Variants in RIPOR2 observed in about 807,000 individuals in gnomAD.
RIPOR2 encodes the protein rho family-interacting cell polarization regulator 2.
A neutral mutation model predicts 114.5 loss-of-function variants in RIPOR2; 39 were observed. The observed-to-expected ratio is 0.34, with a 90% CI of 0.26 to 0.44. RIPOR2 has a LOEUF of 0.44. RIPOR2 is among the 20% of genes least tolerant of loss of function. The pLI, the probability that RIPOR2 is intolerant of heterozygous loss-of-function variation, is 1.00. For synonymous variants in RIPOR2, 445 were observed against 484.4 expected (o/e 0.92, Z 1.07); for missense variants, 1,007 against 1,255.1 (o/e 0.80, Z 2.99).
At chr6:24,963,191 C>G (rs1428614171) in intron 1 of RIPOR2, among the ~76,000 whole-genome samples, 2 of 152,122 alleles carry the variant, frequency 1.3e-5, no homozygotes, top group African/African-American at 4.8e-5. Context: ...ACCACCACAC[C>G]CAGCTAATTT....
intron 1 of RIPOR2, among the ~76,000 whole-genome samples, chr6:25,020,875 TA>T (rs1446863626): frequency 6.6e-6 from 1 of 152,166 alleles, no homozygotes; most frequent in Non-Finnish European, 1.5e-5. Context: ...TTTCTTTTTT[TA>T]GACGGAGTCT....
intron 1 of RIPOR2, among the ~76,000 whole-genome samples, chr6:24,948,529 CTTTCTTTTT>C (rs1193452048): frequency 5.9e-5 from 6 of 102,162 alleles, no homozygotes; most frequent in Non-Finnish European, 9.4e-5. Flanking sequence ...TTCTTTCTTT[CTTTCTTTTT>C]TTTTTTTTTT....
At chr6:25,024,537 G>C in intron 1 of RIPOR2, 1 of 629,212 alleles carries the variant, frequency 1.6e-6, no homozygotes. Flanking sequence ...TGTCTTCAGG[G>C]TGCAGTGAAC....
intron 13 of RIPOR2, chr6:24,840,455 A>G (rs1761590719): frequency 2.3e-6 from 3 of 1,318,510 alleles, no homozygotes; most frequent in Non-Finnish European, 2.9e-6. Flanking sequence ...AAGCAAAACA[A>G]TGCCAGTTGC....
chr6:24,972,453 G>T (rs1031623740), intron 1 of RIPOR2, among the ~76,000 whole-genome samples: 2 of 152,196 alleles, frequency 1.3e-5, no homozygotes, highest in Non-Finnish European at 2.9e-5. Flanking sequence ...GGCTGGTGAA[G>T]GCCCGGACAG....
intron 1 of RIPOR2, among the ~76,000 whole-genome samples, chr6:24,927,130 C>CACCACCA (rs1561782361): frequency 0.034 from 163 of 4,864 alleles, 70 homozygotes; most frequent in African/African-American, 0.085. Context: ...TAATCATCAT[C>CACCACCA]TCACTACCAC....
At chr6:24,976,525 A>C in intron 1 of RIPOR2, 2 of 1,588,288 alleles carry the variant, frequency 1.3e-6, no homozygotes, top group South Asian at 1.1e-5. Context: ...CTGCTCATCT[A>C]ATCCATAAAG....
intron 1 of RIPOR2, among the ~76,000 whole-genome samples, chr6:24,983,193 T>TACACACACACACAC (rs5875016): frequency 1.4e-5 from 2 of 147,242 alleles, no homozygotes; most frequent in African/African-American, 5.1e-5. Flanking sequence ...GTTGAACACG[T>TACACACACACACAC]ACACACACAC....
chr6:24,849,080 T>C (rs1474063057), intron 11 of RIPOR2, among the ~76,000 whole-genome samples: 1 of 152,120 alleles, frequency 6.6e-6, no homozygotes, highest in Admixed American at 6.6e-5. Context: ...AATTTTTGTA[T>C]TTTTAGTAAA....
intron 1 of RIPOR2, among the ~76,000 whole-genome samples, chr6:24,876,296 A>G (rs1765751427): frequency 6.6e-6 from 1 of 152,196 alleles, no homozygotes; most frequent in Non-Finnish European, 1.5e-5. Flanking sequence ...GTCTAAAAAA[A>G]AAGAAAAGAA....
chr6:24,901,741 G>A (rs1022978409), intron 1 of RIPOR2, among the ~76,000 whole-genome samples: 4 of 152,194 alleles, frequency 2.6e-5, no homozygotes, highest in African/African-American at 9.7e-5. Flanking sequence ...CCTCCCTCCA[G>A]AGAAACACAG....
intron 7 of RIPOR2, 81 bp downstream of exon 7, chr6:24,865,211 GGTTGCTGTT>G (rs1764467182): frequency 9.2e-7 from 1 of 1,087,938 alleles, no homozygotes; most frequent in Admixed American, 2.3e-5. Flanking sequence ...TGAGGTTGTG[GGTTGCTGTT>G]TGCCTTGTTC....
intron 1 of RIPOR2, among the ~76,000 whole-genome samples, chr6:25,021,871 T>C (rs559669261): frequency 6.9e-4 from 105 of 152,326 alleles, no homozygotes; most frequent in South Asian, 2.9e-3. Context: ...GCTGAGGAGT[T>C]TGTCTATAGT....
At chr6:24,828,048 G>C in intron 18 of RIPOR2, 89 bp downstream of exon 18, 1 of 1,157,732 alleles carries the variant, frequency 8.6e-7, no homozygotes, top group Non-Finnish European at 1.2e-6. Context: ...AAAATAAAAG[G>C]CCATCATTGC....
At chr6:24,870,987 G>A in intron 4 of RIPOR2, 98 bp from the exon 5 acceptor site, 2 of 663,288 alleles carry the variant, frequency 3.0e-6, no homozygotes, top group Non-Finnish European at 4.8e-6. Context: ...CATTATCTGT[G>A]GAAATAATGA....
chr6:24,887,607 T>C (rs115807805), intron 1 of RIPOR2, among the ~76,000 whole-genome samples: 11,775 of 152,248 alleles, frequency 0.077, 652 homozygotes, highest in Admixed American at 0.11. Flanking sequence ...TAATTTGACA[T>C]TACTGCTCTC....
chr6:24,875,692 T>C lies in RIPOR2; in HGVS notation c.187A>G (p.Arg63Gly). The C allele has an allele frequency of 6.2e-7, 1 of 1,612,490 alleles. No individual in the cohort carries two copies. Among genetic ancestry groups the C allele is most frequent in the Non-Finnish European group, 8.5e-7 (1 of 1,179,370 alleles). Residue 63 changes from arginine (R) to glycine (G), a missense_variant and splice_region_variant, in exon 2 of 22, where the codon AGG (arginine) becomes GGG (glycine). Physicochemically the swap from Arg to Gly is moderately radical, Grantham distance 125 (BLOSUM62 -2). Coordinates refer to ENST00000643898, the MANE Select transcript of RIPOR2 (RefSeq NM_001286445.3). ...GGGAGAGAACCACACAGTACTTGCC[T>C]GGATCGCCTTTCCTGGAGGCCGCTG... ...GFSGLQERRS[R>G]CNSFIENSSA...
At chr6:24,879,503 T>C (rs557123029) in intron 1 of RIPOR2, among the ~76,000 whole-genome samples, 10 of 152,364 alleles carry the variant, frequency 6.6e-5, no homozygotes, top group Non-Finnish European at 7.3e-5. Context: ...TGATTTAGGC[T>C]GAGATCTCTC....
Position 24,809,815 on chromosome 6 carries a change from G to A in RIPOR2, c.2953-8C>T. ...TTTAATGCTTTCAGTAGCCTATGGG[G>A]GAAAAATAGGTTAAATCGTGTTTTG... On this transcript the variant is annotated splice_polypyrimidine_tract_variant and splice_region_variant and intron_variant, in intron 20 of 21. Coordinates refer to ENST00000643898, the MANE Select transcript of RIPOR2 (RefSeq NM_001286445.3). The A allele has an allele frequency of 6.6e-7, 1 of 1,512,478 alleles. No homozygotes were observed. The highest frequency in any genetic ancestry group is 9.0e-7 in the Non-Finnish European group (1 of 1,111,466). 93.7% of individuals were successfully genotyped at this position (1,512,478 alleles called of 1,614,324 possible).
Sources: gnomAD v4.1 joint callset for allele counts (sites outside exome capture counted in the v4.1 genomes callset) on GRCh38, gnomAD v4.1.1 for gene constraint, MANE v1.5 for transcripts, NCBI Gene and HGNC (gene_info 2026-07-23, HGNC 2026-07-21) for gene names.